Variants in IFT88 observed in about 807,000 individuals in gnomAD.
IFT88 encodes intraflagellar transport protein 88 homolog.
Under a neutral mutation model 119.5 loss-of-function variants are expected in IFT88, and 74 were observed. That is an observed-to-expected ratio of 0.62 (90% confidence interval 0.51 to 0.75). IFT88 has a LOEUF of 0.75. Ranked by LOEUF, IFT88 falls within the 30% of genes least tolerant of loss-of-function variation. IFT88 has a pLI of 0.00. For missense variants in IFT88, 961 were observed against 977.7 expected (o/e 0.98, Z 0.23); for synonymous variants, 279 against 316.7 (o/e 0.88, Z 1.26).
At chr13:20,670,359 A>G (rs2055580769) in intron 23 of IFT88, among the ~76,000 whole-genome samples, 1 of 152,142 alleles carries the variant, frequency 6.6e-6, no homozygotes. Context: ...ACAGAACCAT[A>G]AAATGTAGAA....
At chr13:20,616,514 A>G (rs2045635876) in intron 14 of IFT88, among the ~76,000 whole-genome samples, 1 of 152,206 alleles carries the variant, frequency 6.6e-6, no homozygotes, top group Admixed American at 6.5e-5. Context: ...CATGCTGTAG[A>G]GGTTTGTAGA....
intron 13 of IFT88, among the ~76,000 whole-genome samples, chr13:20,607,110 C>A (rs541170632): frequency 1.4e-4 from 22 of 152,090 alleles, no homozygotes; most frequent in Non-Finnish European, 2.8e-4. Context: ...ATCCTGAGTG[C>A]CTTCCTGTTC....
Position 20,691,133 on chromosome 13 carries a change from T to C in IFT88, c.2433T>C (p.Asp811=). 1.2e-6 allele frequency: 2 copies of C among 1,613,844 alleles called. No individual in the cohort carries two copies. The highest frequency in any genetic ancestry group is 1.1e-5 in the South Asian group (1 of 91,028). ...CCAAGAAAAGGATCGATGAGGATGA[T>C]TTTGCTGATGAAGAATTAGGAGATG... ...TAAKKRIDED[D]FADEELGDDL... Residue 811 remains aspartate, a synonymous_variant, in exon 26 of 26, where the codon GAT becomes GAC. Transcript: ENST00000351808.
At chr13:20,609,708 C>T (rs2044132905) in intron 13 of IFT88, among the ~76,000 whole-genome samples, 1 of 152,110 alleles carries the variant, frequency 6.6e-6, no homozygotes, top group South Asian at 2.1e-4. Context: ...CATGCCACTA[C>T]ACTTCAGCCT....
chr13:20,689,990 G>C (rs1456135588), intron 24 of IFT88, among the ~76,000 whole-genome samples: 1 of 152,196 alleles, frequency 6.6e-6, no homozygotes, highest in Non-Finnish European at 1.5e-5. Flanking sequence ...GAAATGGTAA[G>C]GTTTTGGATA....
intron 1 of IFT88, chr13:20,568,134 CTG>C: frequency 1.6e-6 from 1 of 632,998 alleles, no homozygotes; most frequent in Non-Finnish European, 2.9e-6. Context: ...TTGAAGTAGA[CTG>C]TCCATAGTCA....
At chr13:20,643,641 G>A in intron 19 of IFT88, 36 bp downstream of exon 19, 12 of 1,470,882 alleles carry the variant, frequency 8.2e-6, no homozygotes, top group Non-Finnish European at 1.1e-5. Context: ...CTGTGTTTTA[G>A]CATTTTATGA....
intron 24 of IFT88, among the ~76,000 whole-genome samples, chr13:20,672,606 A>T (rs2056075897): frequency 6.6e-6 from 1 of 152,190 alleles, no homozygotes; most frequent in African/African-American, 2.4e-5. Flanking sequence ...ATAAGCCCAC[A>T]GCTCCTTACC....
intron 22 of IFT88, among the ~76,000 whole-genome samples, chr13:20,658,087 T>A (rs1010487495): frequency 6.6e-6 from 1 of 152,034 alleles, no homozygotes; most frequent in Non-Finnish European, 1.5e-5. Context: ...TACATGGGAA[T>A]TAATTCTAGA....
intron 16 of IFT88, among the ~76,000 whole-genome samples, chr13:20,635,490 A>G (rs2048889743): frequency 6.6e-6 from 1 of 152,202 alleles, no homozygotes. Context: ...AGTCTGAGAA[A>G]AACGAATATT....
chr13:20,626,518 G>A (rs1236257106), intron 15 of IFT88, among the ~76,000 whole-genome samples: 1 of 152,180 alleles, frequency 6.6e-6, no homozygotes, highest in Non-Finnish European at 1.5e-5. Flanking sequence ...AGCATGGGAA[G>A]CCAGGAGTCT....
At chr13:20,634,916 A>G (rs2048788136) in intron 16 of IFT88, among the ~76,000 whole-genome samples, 1 of 151,626 alleles carries the variant, frequency 6.6e-6, no homozygotes, top group African/African-American at 2.4e-5. Context: ...TTCATTTAAC[A>G]TTAGGTATAT....
At chr13:20,599,381 A>G in intron 10 of IFT88, 70 bp from the exon 11 acceptor site, 1 of 593,702 alleles carries the variant, frequency 1.7e-6, no homozygotes, top group Non-Finnish European at 3.0e-6. Context: ...ATATGAATTA[A>G]AAGTCATCTA....
chr13:20,607,503 T>G, intron 13 of IFT88: 2 of 687,762 alleles, frequency 2.9e-6, no homozygotes, highest in Non-Finnish European at 2.7e-6. Context: ...AAGTTGTCTT[T>G]TGACATGTGG....
chr13:20,607,324 A>G (rs567828621), intron 13 of IFT88: 3 of 484,398 alleles, frequency 6.2e-6, no homozygotes, highest in African/African-American at 5.9e-5. Context: ...CATCCCTGTC[A>G]GTGCACGTCA....
chr13:20,649,996 CAAGA>C (rs1364212297), intron 20 of IFT88, among the ~76,000 whole-genome samples: 1 of 151,964 alleles, frequency 6.6e-6, no homozygotes, highest in Non-Finnish European at 1.5e-5. Flanking sequence ...AAAAATATTC[CAAGA>C]AAGAAAAGCC....
chr13:20,621,526 TAAAAAAAAAAAAAAAAA>T (rs200491393), intron 14 of IFT88, among the ~76,000 whole-genome samples: 92 of 130,794 alleles, frequency 7.0e-4, no homozygotes, highest in African/African-American at 2.8e-3. Context: ...CCTGCTGAGA[TAAAAAAAAAAAAAAAAA>T]AAAAAAAAAA....
intron 14 of IFT88, among the ~76,000 whole-genome samples, chr13:20,625,469 G>A (rs1213886219): frequency 6.6e-6 from 1 of 152,124 alleles, no homozygotes; most frequent in Non-Finnish European, 1.5e-5. Context: ...GTTACAAATT[G>A]TTATAATAGT....
At chr13:20,617,918 C>T (rs540215228) in intron 14 of IFT88, among the ~76,000 whole-genome samples, 2 of 152,184 alleles carry the variant, frequency 1.3e-5, no homozygotes, top group South Asian at 2.1e-4. Flanking sequence ...CTCAGCCTCC[C>T]GAGTAGCTGA....
Sources: allele counts gnomAD v4.1 joint callset (sites outside exome capture counted in the v4.1 genomes callset), GRCh38; gene constraint gnomAD v4.1.1; transcripts MANE v1.5; gene names NCBI Gene and HGNC (gene_info 2026-07-23, HGNC 2026-07-21).